PDE8B: variants seen among roughly 807,000 people sequenced by gnomAD.
PDE8B encodes the protein phosphodiesterase 8B.
Under a neutral mutation model 101.3 loss-of-function variants are expected in PDE8B, and 26 were observed. The observed-to-expected ratio is 0.26, with a 90% CI of 0.19 to 0.36. The LOEUF is 0.36. Ranked by LOEUF, PDE8B falls within the 10% of genes least tolerant of loss-of-function variation. PDE8B has a pLI of 1.00. For missense variants in PDE8B, 810 were observed against 1,163.1 expected (o/e 0.70, Z 4.42); for synonymous variants, 424 against 429.3 (o/e 0.99, Z 0.15).
chr5:77,102,655 G>A, the PDE8B span, among the ~76,000 whole-genome samples: 1 of 152,156 alleles, frequency 6.6e-6, no homozygotes, highest in Admixed American at 6.5e-5. Flanking sequence ...ACAGTGCCTT[G>A]TCTATGACGT....
the PDE8B span, among the ~76,000 whole-genome samples, chr5:77,109,513 A>G: frequency 6.6e-6 from 1 of 152,198 alleles, no homozygotes; most frequent in Admixed American, 6.5e-5. Flanking sequence ...ATCTTTACTA[A>G]GTTAAATTGC....
At chr5:77,134,860 G>C in the PDE8B span, among the ~76,000 whole-genome samples, 1 of 152,306 alleles carries the variant, frequency 6.6e-6, no homozygotes, top group Non-Finnish European at 1.5e-5. Flanking sequence ...TCTCTTCTAA[G>C]TATTTCCTCA....
chr5:77,367,530 CTTTTTTTTT>C (rs3031815), intron 10 of PDE8B, among the ~76,000 whole-genome samples: 9 of 109,496 alleles, frequency 8.2e-5, no homozygotes, highest in South Asian at 3.4e-4. Context: ...CTTTTTCTCT[CTTTTTTTTT>C]TTTTTTTTTT....
chr5:77,281,777 G>A (rs1455834104), intron 1 of PDE8B, among the ~76,000 whole-genome samples: 1 of 152,150 alleles, frequency 6.6e-6, no homozygotes, highest in Non-Finnish European at 1.5e-5. Context: ...GGATCTCTTT[G>A]GAGGGTATTA....
At chr5:77,378,276 T>C (rs1289885912) in intron 10 of PDE8B, among the ~76,000 whole-genome samples, 2 of 151,784 alleles carry the variant, frequency 1.3e-5, no homozygotes, top group African/African-American at 4.8e-5. Context: ...CTGGCCAACA[T>C]GGTGAAACCC....
chr5:77,253,515 A>G (rs1758496733), intron 1 of PDE8B, among the ~76,000 whole-genome samples: 1 of 152,214 alleles, frequency 6.6e-6, no homozygotes, highest in Non-Finnish European at 1.5e-5. Flanking sequence ...CCTTTGAAAT[A>G]TGAGAGAAAA....
chr5:77,205,656 T>TA (rs1747441127), upstream of PDE8B, among the ~76,000 whole-genome samples: 1 of 152,242 alleles, frequency 6.6e-6, no homozygotes, highest in Non-Finnish European at 1.5e-5. Flanking sequence ...ATATTACACT[T>TA]ACTCATTTAC....
chr5:77,110,795 C>T, the PDE8B span, among the ~76,000 whole-genome samples: 6 of 152,338 alleles, frequency 3.9e-5, no homozygotes, highest in African/African-American at 7.2e-5. Flanking sequence ...AGCTGATCCC[C>T]TTCCACTAGG....
chr5:77,327,567 T>G (rs1776273273), intron 3 of PDE8B, among the ~76,000 whole-genome samples: 1 of 152,146 alleles, frequency 6.6e-6, no homozygotes, highest in African/African-American at 2.4e-5. Flanking sequence ...TCCCTAGAGA[T>G]AAGAACATGC....
At chr5:77,227,923 A>G (rs966684705) in intron 1 of PDE8B, among the ~76,000 whole-genome samples, 11 of 152,184 alleles carry the variant, frequency 7.2e-5, no homozygotes, top group African/African-American at 2.7e-4. Flanking sequence ...ACTTCTTTAT[A>G]ACACATTACC....
intron 7 of PDE8B, among the ~76,000 whole-genome samples, chr5:77,347,571 C>G (rs1264876889): frequency 6.6e-6 from 1 of 152,116 alleles, no homozygotes; most frequent in Non-Finnish European, 1.5e-5. Flanking sequence ...ATAAACAGTC[C>G]TGAGTATCCA....
intron 20 of PDE8B, 57 bp downstream of exon 20, chr5:77,422,045 TG>T: frequency 2.6e-6 from 4 of 1,532,756 alleles, no homozygotes; most frequent in Non-Finnish European, 3.6e-6. Flanking sequence ...AACTAGGTCA[TG>T]GAACTCCTGG....
intron 7 of PDE8B, 135 bp from the exon 8 acceptor site, chr5:77,349,284 A>G (rs1051455546): frequency 8.7e-7 from 1 of 1,152,390 alleles, no homozygotes. Context: ...TAACTGCATT[A>G]GAGAATGTTT....
At position 77,325,830 on chromosome 5, in the gene PDE8B, T is replaced by C. The variant is rs185016977; in HGVS notation, c.590+101T>C. ...TAGTTTATTTCAAATATTTTTAAAATATGCGTTGATGTTTTTAAGCAGTGT... is the reference window on the plus strand; with the variant it reads ...TAGTTTATTTCAAATATTTTTAAAACATGCGTTGATGTTTTTAAGCAGTGT... On this transcript the variant is annotated intron_variant, in intron 3 of 21. Coordinates refer to ENST00000264917, the MANE Select transcript of PDE8B (RefSeq NM_003719.5). 10 of 855,598 alleles carry C rather than the reference T, an allele frequency of 1.2e-5. No homozygotes were observed. The East Asian group carries it at 1.3e-4, about 11-fold the overall frequency. 53.0% of individuals were successfully genotyped at this position (855,598 alleles called of 1,614,324 possible). A position where few individuals can be genotyped will look rare whatever the true frequency, so the allele number is the denominator to read the frequency against.
intron 10 of PDE8B, among the ~76,000 whole-genome samples, chr5:77,382,804 A>T (rs1239955434): frequency 6.6e-6 from 1 of 152,144 alleles, no homozygotes; most frequent in African/African-American, 2.4e-5. Flanking sequence ...CATGGTTCAC[A>T]TGTGTGCCAC....
chr5:77,264,359 G>T (rs769403609), intron 1 of PDE8B, among the ~76,000 whole-genome samples: 6 of 152,214 alleles, frequency 3.9e-5, no homozygotes, highest in Non-Finnish European at 5.9e-5. Flanking sequence ...CAAAACAGTT[G>T]TACCATTTTA....
chr5:77,134,759 A>G, the PDE8B span, among the ~76,000 whole-genome samples: 1 of 152,148 alleles, frequency 6.6e-6, no homozygotes, highest in African/African-American at 2.4e-5. Flanking sequence ...GGGAATTTAG[A>G]TTGGATAGTG....
At chr5:77,340,608 TG>T (rs1205449655) in intron 6 of PDE8B, among the ~76,000 whole-genome samples, 1 of 142,028 alleles carries the variant, frequency 7.0e-6, no homozygotes, top group Non-Finnish European at 1.5e-5. Context: ...ACAGTGTGTG[TG>T]TGTGTGTGTG....
At chr5:77,205,336 A>G in the PDE8B span, among the ~76,000 whole-genome samples, 4 of 152,228 alleles carry the variant, frequency 2.6e-5, no homozygotes. Flanking sequence ...AGTTTAAAAT[A>G]CAACTTATTT....
Sources: allele counts gnomAD v4.1 joint callset (sites outside exome capture counted in the v4.1 genomes callset), GRCh38; gene constraint gnomAD v4.1.1; transcripts MANE v1.5; gene names NCBI Gene and HGNC (gene_info 2026-07-23, HGNC 2026-07-21).